The following CYP2C19 variants were observed in gnomAD, a reference collection of about 807,000 sequenced individuals.
CYP2C19 encodes cytochrome P450 2C19.
In CYP2C19, 59 loss-of-function variants were observed where a neutral mutation model predicts 40.9. The observed-to-expected ratio is 1.44, with a 90% confidence interval of 1.17 to 1.79. The LOEUF is 1.79. CYP2C19 is among the 40% of genes most tolerant of loss of function. CYP2C19 has a pLI of 0.00. For synonymous variants in CYP2C19, 253 were observed against 208.7 expected (o/e 1.21, Z -1.83); for missense variants, 754 against 596.9 (o/e 1.26, Z -2.74).
chr10:94,825,169 C>T (rs879332325), intron 6 of CYP2C19, among the ~76,000 whole-genome samples: 15 of 145,576 alleles, frequency 1.0e-4, no homozygotes, highest in Admixed American at 2.8e-4. Flanking sequence ...TGGGTATATA[C>T]TCAGTAATGG....
In CYP2C19 at chr10:94,854,481, A is replaced by C. The variant is rs1849703306; in HGVS notation, c.*1567A>C. 6.6e-6 allele frequency among the ~76,000 whole-genome samples: 1 copy of C among 151,982 alleles called. No individual in the cohort carries two copies. Among genetic ancestry groups the C allele is most frequent in the South Asian group, 2.1e-4 (1 of 4,828 alleles). On this transcript the variant is annotated 3_prime_UTR_variant, in exon 9 of 9. Transcript: ENST00000371321. Reference sequence around the variant, plus strand: ...TAGACAACTAAGTATCTTATGTTAAATTATGTTCACCACTCTTCCTGTCTT... The same window carrying C: ...TAGACAACTAAGTATCTTATGTTAACTTATGTTCACCACTCTTCCTGTCTT...
intron 5 of CYP2C19, among the ~76,000 whole-genome samples, chr10:94,812,151 T>C (rs1471988103): frequency 1.3e-5 from 2 of 152,196 alleles, no homozygotes; most frequent in African/African-American, 2.4e-5. Context: ...TTTAGCTGGA[T>C]ATGAAATTCT....
At chr10:94,835,137 T>C (rs895616132) in intron 6 of CYP2C19, among the ~76,000 whole-genome samples, 1 of 152,186 alleles carries the variant, frequency 6.6e-6, no homozygotes, top group Non-Finnish European at 1.5e-5. Flanking sequence ...GTTTTACAGC[T>C]TCAATTCTGG....
At chr10:94,762,944 C>T in intron 1 of CYP2C19, 71 bp downstream of exon 1, 1 of 1,436,608 alleles carries the variant, frequency 7.0e-7, no homozygotes. Context: ...AAAGTATATC[C>T]CTAGAGGTAC....
chr10:94,820,975 T>G (rs973929456), intron 6 of CYP2C19, among the ~76,000 whole-genome samples: 2 of 152,088 alleles, frequency 1.3e-5, no homozygotes, highest in African/African-American at 4.8e-5. Context: ...TCCCAGCTAC[T>G]TGGGGGCTGA....
rs569156004 is a variant in CYP2C19, at chr10:94,853,257, C to A, written c.*343C>A. The A allele has an allele frequency of 2.8e-6, 1 of 360,290 alleles. No individual in the cohort carries two copies. The highest frequency in any genetic ancestry group is 2.5e-5 in the South Asian group (1 of 40,578). 22.3% of individuals were successfully genotyped at this position (360,290 alleles called of 1,614,324 possible). A position where few individuals can be genotyped will look rare whatever the true frequency, so the allele number is the denominator to read the frequency against. On this transcript the variant is annotated 3_prime_UTR_variant, in exon 9 of 9. Coordinates refer to ENST00000371321, the MANE Select transcript of CYP2C19 (RefSeq NM_000769.4). ...TCTAAACAAAAAGCATTATTATTTG[C>A]TGAGTCAGGTTATTAGACCTTCCTT...
chr10:94,841,627 A>G (rs757637584), intron 6 of CYP2C19, among the ~76,000 whole-genome samples: 7 of 152,232 alleles, frequency 4.6e-5, no homozygotes, highest in Non-Finnish European at 1.0e-4. Flanking sequence ...GTAAGCTCTT[A>G]GAGCTATAAA....
rs533074337 is a variant in CYP2C19, at chr10:94,852,386, G to A, written c.1292-347G>A. Among the ~76,000 whole-genome samples, 23 of 152,310 alleles carry A rather than the reference G, an allele frequency of 1.5e-4. 1 individual carries two copies. The South Asian group carries it at 4.6e-3, about 30-fold the overall frequency. ...CCTTCTCAGTTCAACCCACTGGACA[G>A]GTAATGTATGTTTCTCAAGAAAGAT... On this transcript the variant is annotated intron_variant, in intron 8 of 8. Coordinates refer to ENST00000371321, the MANE Select transcript of CYP2C19 (RefSeq NM_000769.4).
chr10:94,804,907 GT>G (rs1848813296), intron 5 of CYP2C19, among the ~76,000 whole-genome samples: 1 of 152,102 alleles, frequency 6.6e-6, no homozygotes, highest in Non-Finnish European at 1.5e-5. Flanking sequence ...ATGTTTAATA[GT>G]TTTTAGTGTC....
rs185727935 is a variant in CYP2C19, at chr10:94,818,936, A to C, written c.820-1560A>C. On this transcript the variant is annotated intron_variant, in intron 5 of 8. Coordinates refer to ENST00000371321, the MANE Select transcript of CYP2C19 (RefSeq NM_000769.4). Reference sequence around the variant, plus strand: ...GAACTTCCAAATCAACAGAATATACATTTTTTTCAGCACCACACCACACCT... The same window carrying C: ...GAACTTCCAAATCAACAGAATATACCTTTTTTTCAGCACCACACCACACCT... Among the ~76,000 whole-genome samples the C allele has an allele frequency of 7.4e-3, 1,122 of 151,906 alleles. 5 individuals are homozygous for C. Among genetic ancestry groups the C allele is most frequent in the South Asian group, 0.028 (133 of 4,806 alleles).
At chr10:94,766,286 G>C in intron 1 of CYP2C19, among the ~76,000 whole-genome samples, 1 of 123,498 alleles carries the variant, frequency 8.1e-6, no homozygotes, top group East Asian at 2.2e-4. Flanking sequence ...TTAGGAGCTA[G>C]TGGAAGGGGA....
intron 5 of CYP2C19, among the ~76,000 whole-genome samples, chr10:94,783,043 G>A (rs116692189): frequency 6.6e-6 from 1 of 152,134 alleles, no homozygotes; most frequent in East Asian, 1.9e-4. Flanking sequence ...GACCACCATG[G>A]CACGTGTGTA....
At chr10:94,811,807 T>C (rs1305770698) in intron 5 of CYP2C19, among the ~76,000 whole-genome samples, 1 of 152,010 alleles carries the variant, frequency 6.6e-6, no homozygotes, top group Admixed American at 6.6e-5. Flanking sequence ...ATACAGCACA[T>C]TGATGGGTCT....
intron 7 of CYP2C19, among the ~76,000 whole-genome samples, chr10:94,847,984 G>T (rs561681256): frequency 1.3e-5 from 2 of 152,076 alleles, no homozygotes; most frequent in Non-Finnish European, 2.9e-5. Context: ...TTAGCCCTTC[G>T]TCAGATGAGT....
chr10:94,776,779 T>A (rs960431525), intron 3 of CYP2C19, among the ~76,000 whole-genome samples: 2 of 152,092 alleles, frequency 1.3e-5, no homozygotes, highest in African/African-American at 4.8e-5. Context: ...CTATTCAACA[T>A]AGCTTTGGAA....
rs150187264 is a variant in CYP2C19 at position 94,785,348 on chromosome 10, G to A, written c.819+3351G>A. 2.0e-5 allele frequency among the ~76,000 whole-genome samples: 3 copies of A among 152,144 alleles called. No individual in the cohort carries two copies. The East Asian group carries it at 5.8e-4, about 29-fold the overall frequency. On this transcript the variant is annotated intron_variant, in intron 5 of 8. Coordinates refer to ENST00000371321, the MANE Select transcript of CYP2C19 (RefSeq NM_000769.4). ...AGTTATATTTTTCATTTGGAGTGAG[G>A]TAGGGTAGGTCCCAGCTACATTCTT... is the stretch of plus-strand genomic sequence containing the variant.
chr10:94,772,640 G>T (rs1372699367), intron 1 of CYP2C19, among the ~76,000 whole-genome samples: 2 of 152,188 alleles, frequency 1.3e-5, no homozygotes, highest in South Asian at 2.1e-4. Context: ...TCAACCCTTG[G>T]CGCAGCCCAG....
At chr10:94,779,506 T>TAA (rs1848454126) in intron 3 of CYP2C19, among the ~76,000 whole-genome samples, 1 of 151,842 alleles carries the variant, frequency 6.6e-6, no homozygotes, top group Non-Finnish European at 1.5e-5. Context: ...TTTAAAAAAC[T>TAA]AAAGAAGAAA....
intron 3 of CYP2C19, 95 bp from the exon 4 acceptor site, chr10:94,780,404 C>T (rs955533828): frequency 2.7e-6 from 4 of 1,488,120 alleles, no homozygotes; most frequent in Non-Finnish European, 3.6e-6. Flanking sequence ...TAAGATATTA[C>T]TTAAAATTTC....
Sources: allele counts gnomAD v4.1 joint callset (sites outside exome capture counted in the v4.1 genomes callset), GRCh38; gene constraint gnomAD v4.1.1; transcripts MANE v1.5; gene names NCBI Gene and HGNC (gene_info 2026-07-23, HGNC 2026-07-21).